Variants in PHF24 observed in about 807,000 individuals in gnomAD.
PHF24 encodes PHD finger protein 24, also known as Galpha inhibitory interacting protein.
Under a neutral mutation model 42.6 loss-of-function variants are expected in PHF24, and 25 were observed. That is an observed-to-expected ratio of 0.59 (90% CI 0.43 to 0.82). The LOEUF is 0.82. PHF24 is among the 40% of genes least tolerant of loss of function. The pLI, the probability that PHF24 is intolerant of heterozygous loss-of-function variation, is 0.00. For synonymous variants in PHF24, 185 were observed against 204.8 expected, an observed-to-expected ratio of 0.90 and a Z score of 0.83; for missense variants, 470 against 538.1, an observed-to-expected ratio of 0.87 and a Z score of 1.25.
At chr9:34,724,033 G>A in the PHF24 span, 1 of 1,537,954 alleles carries the variant, frequency 6.5e-7, no homozygotes, top group Non-Finnish European at 8.8e-7. Context: ...TGGTTGAGGA[G>A]CGCCCAAACC....
At chr9:34,767,675 G>A in the PHF24 span, among the ~76,000 whole-genome samples, 373 of 152,320 alleles carry the variant, frequency 2.4e-3, 2 homozygotes, top group Non-Finnish European at 4.2e-3. Flanking sequence ...GCAATGCCTC[G>A]CCCTGCTTCG....
chr9:34,710,642 A>ATTTT, the PHF24 span, among the ~76,000 whole-genome samples: 1 of 147,034 alleles, frequency 6.8e-6, no homozygotes. Flanking sequence ...TGATTTTTCT[A>ATTTT]TTTTTTTTTT....
chr9:34,928,446 C>T, the PHF24 span, among the ~76,000 whole-genome samples: 1 of 152,050 alleles, frequency 6.6e-6, no homozygotes, highest in South Asian at 2.1e-4. Context: ...TATATACCCA[C>T]AAAAATTAAA....
chr9:34,936,803 G>A, the PHF24 span, among the ~76,000 whole-genome samples: 64 of 147,086 alleles, frequency 4.4e-4, no homozygotes, highest in African/African-American at 1.6e-3. Flanking sequence ...CAGCCGCCCC[G>A]TCTGAGAAGT....
chr9:34,675,468 T>TTTTGCAAATCCTCTATTCATGTCTGG, the PHF24 span, among the ~76,000 whole-genome samples: 1 of 152,174 alleles, frequency 6.6e-6, no homozygotes, highest in South Asian at 2.1e-4. Flanking sequence ...CTTCCTATCC[T>TTTTGCAAATCCTCTATTCATGTCTGG]TTTGCAAATC....
the PHF24 span, among the ~76,000 whole-genome samples, chr9:34,757,859 G>A: frequency 6.6e-6 from 1 of 152,114 alleles, no homozygotes; most frequent in Non-Finnish European, 1.5e-5. Context: ...CCAGTTTGGG[G>A]TCTGGCTTGC....
At chr9:34,842,018 T>C in the PHF24 span, among the ~76,000 whole-genome samples, 1 of 152,240 alleles carries the variant, frequency 6.6e-6, no homozygotes, top group Non-Finnish European at 1.5e-5. Flanking sequence ...TTCCAAACCA[T>C]TGATCTATTT....
intron 6 of PHF24, 25 bp downstream of exon 6, chr9:34,977,268 C>T (rs770181568): frequency 3.8e-6 from 6 of 1,559,698 alleles, no homozygotes; most frequent in Non-Finnish European, 5.2e-6. Context: ...AGTCCTGGTC[C>T]CCACTCAGCC....
chr9:34,753,240 A>G, the PHF24 span, among the ~76,000 whole-genome samples: 1 of 152,158 alleles, frequency 6.6e-6, no homozygotes, highest in African/African-American at 2.4e-5. Context: ...ATATGATTCT[A>G]TATTTGGAAA....
the PHF24 span, among the ~76,000 whole-genome samples, chr9:34,949,950 G>C: frequency 3.4e-4 from 51 of 151,850 alleles, no homozygotes; most frequent in Non-Finnish European, 6.6e-4. Context: ...AACCTTCATG[G>C]CACATGTATA....
At chr9:34,962,098 G>A (rs928829969) in intron 1 of PHF24, among the ~76,000 whole-genome samples, 1 of 152,188 alleles carries the variant, frequency 6.6e-6, no homozygotes, top group Non-Finnish European at 1.5e-5. Flanking sequence ...ACTTATCAGG[G>A]CAGTCCCTCT....
chr9:34,927,026 C>T, the PHF24 span, among the ~76,000 whole-genome samples: 16 of 152,208 alleles, frequency 1.1e-4, no homozygotes, highest in South Asian at 1.0e-3. Flanking sequence ...GCTGTTTCTC[C>T]GGTCCTGAGC....
the PHF24 span, among the ~76,000 whole-genome samples, chr9:34,692,361 GT>G: frequency 5.3e-5 from 8 of 152,272 alleles, no homozygotes; most frequent in African/African-American, 1.4e-4. Context: ...CATTGATGTA[GT>G]TTTTCTTATT....
chr9:34,746,457 C>T, the PHF24 span, among the ~76,000 whole-genome samples: 34 of 152,254 alleles, frequency 2.2e-4, no homozygotes, highest in East Asian at 6.0e-3. Flanking sequence ...CAGCAATACA[C>T]TATGAGTGAA....
chr9:34,680,716 A>AT, the PHF24 span, among the ~76,000 whole-genome samples: 1 of 141,180 alleles, frequency 7.1e-6, no homozygotes, highest in Non-Finnish European at 1.5e-5. Flanking sequence ...ATAAAAAAAA[A>AT]AATAAAATAA....
chr9:34,951,058 T>C, the PHF24 span, among the ~76,000 whole-genome samples: 1 of 152,264 alleles, frequency 6.6e-6, no homozygotes, highest in Non-Finnish European at 1.5e-5. Context: ...AACAATTATA[T>C]GCCTATTATA....
At chr9:34,922,251 T>A in the PHF24 span, 2 of 1,593,112 alleles carry the variant, frequency 1.3e-6, no homozygotes, top group Non-Finnish European at 1.7e-6. Flanking sequence ...CAATGTCAAG[T>A]TGTCTCTCAG....
At chr9:34,843,166 A>G in the PHF24 span, among the ~76,000 whole-genome samples, 2 of 152,246 alleles carry the variant, frequency 1.3e-5, no homozygotes, top group Non-Finnish European at 2.9e-5. Flanking sequence ...AACTGATTCC[A>G]AAAGAATGAG....
the PHF24 span, among the ~76,000 whole-genome samples, chr9:34,812,523 A>C: frequency 6.6e-6 from 1 of 152,200 alleles, no homozygotes; most frequent in Non-Finnish European, 1.5e-5. Flanking sequence ...GATGTCAAAG[A>C]AATCATCTAT....
Sources: gnomAD v4.1 joint callset for allele counts (sites outside exome capture counted in the v4.1 genomes callset) on GRCh38, gnomAD v4.1.1 for gene constraint, MANE v1.5 for transcripts, NCBI Gene and HGNC (gene_info 2026-07-23, HGNC 2026-07-21) for gene names.